The following ERBB4 variants were observed in gnomAD, a reference collection of about 807,000 sequenced individuals.
ERBB4 encodes erb-b2 receptor tyrosine kinase 4.
Under a neutral mutation model 158.0 loss-of-function variants are expected in ERBB4, and 42 were observed. That is an observed-to-expected ratio of 0.27 (90% CI 0.21 to 0.34). The LOEUF is 0.34. ERBB4 is among the 10% of genes least tolerant of loss of function. The pLI is 1.00. For synonymous variants in ERBB4, 583 were observed against 558.7 expected (o/e 1.04, Z -0.61); for missense variants, 1,333 against 1,624.1 (o/e 0.82, Z 3.08).
chr2:211,709,170 T>C (rs67044368), intron 9 of ERBB4, among the ~76,000 whole-genome samples: 25,817 of 150,178 alleles, frequency 0.17, 2,455 homozygotes, highest in African/African-American at 0.26. Context: ...CCATTTTTTA[T>C]TGCATTTATT....
intron 1 of ERBB4, among the ~76,000 whole-genome samples, chr2:212,353,133 G>A (rs1031301998): frequency 1.3e-5 from 2 of 151,756 alleles, no homozygotes; most frequent in Non-Finnish European, 2.9e-5. Context: ...CCAGTTCTAG[G>A]GGATAATTGT....
chr2:212,026,690 G>A (rs1021848048), intron 2 of ERBB4, among the ~76,000 whole-genome samples: 2 of 151,656 alleles, frequency 1.3e-5, no homozygotes, highest in Non-Finnish European at 1.5e-5. Context: ...ATGTTTTTTC[G>A]ATATTATTGT....
chr2:212,512,470 T>C (rs543882748), intron 1 of ERBB4, among the ~76,000 whole-genome samples: 94 of 152,212 alleles, frequency 6.2e-4, no homozygotes, highest in Admixed American at 2.5e-3. Context: ...CAGAACCCAA[T>C]AAATAGTATT....
chr2:211,818,244 A>G (rs945599154), intron 3 of ERBB4, among the ~76,000 whole-genome samples: 30 of 152,090 alleles, frequency 2.0e-4, no homozygotes, highest in African/African-American at 7.0e-4. Context: ...AAATATCTAA[A>G]TATTTAGGGG....
chr2:211,982,619 G>A (rs2081833867), intron 2 of ERBB4, among the ~76,000 whole-genome samples: 1 of 152,122 alleles, frequency 6.6e-6, no homozygotes, highest in South Asian at 2.1e-4. Flanking sequence ...GGAATACTGG[G>A]AGTCCTTTCA....
chr2:212,292,360 A>T (rs75257705), intron 1 of ERBB4, among the ~76,000 whole-genome samples: 2,037 of 152,162 alleles, frequency 0.013, 47 homozygotes, highest in African/African-American at 0.046. Context: ...ACATCAGAAT[A>T]TAATACTGGC....
chr2:211,757,709 G>T (rs1421358445), intron 4 of ERBB4, among the ~76,000 whole-genome samples: 1 of 152,176 alleles, frequency 6.6e-6, no homozygotes, highest in African/African-American at 2.4e-5. Context: ...CAGGATATCA[G>T]ACAGATAGCT....
At chr2:211,974,730 C>T (rs1274506142) in intron 2 of ERBB4, among the ~76,000 whole-genome samples, 1 of 152,076 alleles carries the variant, frequency 6.6e-6, no homozygotes, top group East Asian at 1.9e-4. Flanking sequence ...CCACTGCAGT[C>T]CCACATGGGT....
chr2:211,583,954 T>A (rs1231738885), intron 19 of ERBB4, among the ~76,000 whole-genome samples: 3 of 150,386 alleles, frequency 2.0e-5, no homozygotes, highest in Admixed American at 6.7e-5. Flanking sequence ...TTAACTACTA[T>A]TTTTCATTTG....
Position 211,386,938 on chromosome 2 carries a change from G to A in ERBB4, c.3396C>T (p.Pro1132=), listed in dbSNP as rs778378063. 2 of 1,613,976 alleles carry A rather than the reference G, an allele frequency of 1.2e-6. No homozygotes were observed. Among genetic ancestry groups the A allele is most frequent in the African/African-American group, 2.7e-5 (2 of 74,920 alleles). The stretch of plus-strand genomic sequence containing the variant: ...GGCTCCGTTCTGGGGCAAACACGGT[G>A]GGGTCAGCACTGTACCTCTGGGTGC... The part of the protein sequence containing the change: ...DSSTQRYSAD[P]TVFAPERSPR... The change falls in exon 27 of 28, where the codon CCC becomes CCT. Residue 1132 remains proline, a synonymous_variant. Coordinates refer to ENST00000342788, the MANE Select transcript of ERBB4 (RefSeq NM_005235.3).
At chr2:212,513,838 A>T (rs574184554) in intron 1 of ERBB4, among the ~76,000 whole-genome samples, 6 of 147,034 alleles carry the variant, frequency 4.1e-5, no homozygotes, top group African/African-American at 1.4e-4. Context: ...AATAAATAAA[A>T]AGAACAATTT....
In ERBB4 at chr2:211,813,274, G is replaced by A. The variant is rs568179908; in HGVS notation, c.422-25115C>T. 5.1e-4 allele frequency among the ~76,000 whole-genome samples: 77 copies of A among 152,324 alleles called. 2 individuals carry two copies. Among genetic ancestry groups the A allele is most frequent in the African/African-American group, 1.7e-3 (70 of 41,588 alleles). Reference sequence around the variant, plus strand: ...AAGCTGAAATAATTCAGCAATGGTCGTGTATAATGGAATTCTCTGAGATTA... The same window carrying A: ...AAGCTGAAATAATTCAGCAATGGTCATGTATAATGGAATTCTCTGAGATTA... On this transcript the variant is annotated intron_variant, in intron 3 of 27. Coordinates refer to ENST00000342788, the MANE Select transcript of ERBB4 (RefSeq NM_005235.3).
At position 212,363,124 on chromosome 2, in the gene ERBB4, C is replaced by T. The variant is rs1041517189; in HGVS notation, c.82+175325G>A. ...TTCCTATTTACATGATGTAATATTA[C>T]ATTTAAATTTTTAAATTTAAATGTT... On this transcript the variant is annotated intron_variant, in intron 1 of 27. Coordinates refer to ENST00000342788, the MANE Select transcript of ERBB4 (RefSeq NM_005235.3). 2.6e-5 allele frequency among the ~76,000 whole-genome samples: 4 copies of T among 151,444 alleles called. No homozygotes were observed. In the South Asian group the frequency reaches 8.3e-4, roughly 31 times the overall value.
intron 2 of ERBB4, among the ~76,000 whole-genome samples, chr2:212,055,847 C>T (rs114294912): frequency 1.7e-3 from 255 of 152,246 alleles, no homozygotes; most frequent in Middle Eastern, 3.4e-3. Context: ...GGACAAAAGC[C>T]GAAAATTCTA....
intron 1 of ERBB4, among the ~76,000 whole-genome samples, chr2:212,504,376 T>C (rs13417797): frequency 1.3e-3 from 196 of 152,194 alleles, no homozygotes; most frequent in African/African-American, 4.5e-3. Context: ...CCTAAATTAG[T>C]ATTCCTTAAA....
intron 1 of ERBB4, among the ~76,000 whole-genome samples, chr2:212,383,225 G>A (rs2090568459): frequency 6.6e-6 from 1 of 151,230 alleles, no homozygotes; most frequent in Admixed American, 6.6e-5. Flanking sequence ...TTTCCCAGAT[G>A]ACTTACCAGT....
intron 3 of ERBB4, among the ~76,000 whole-genome samples, chr2:211,864,576 C>T (rs1392135835): frequency 2.0e-5 from 3 of 152,156 alleles, no homozygotes; most frequent in African/African-American, 4.8e-5. Context: ...AAATAGCAAT[C>T]CTAAATGCTT....
chr2:211,711,027 T>TAA lies in ERBB4; in HGVS notation c.1124+1021_1124+1022dup, dbSNP rs34159396. On this transcript the variant is annotated intron_variant, in intron 9 of 27. Coordinates refer to ENST00000342788, the MANE Select transcript of ERBB4 (RefSeq NM_005235.3). The stretch of plus-strand genomic sequence containing the variant: ...AAGTCTATACATTTTAAAAGGCAAG[T>TAA]AAAAAAAAAAAAACATTTCTTAAGA... Among the ~76,000 whole-genome samples the TAA allele has an allele frequency of 1.7e-4, 24 of 139,974 alleles. 1 individual carries two copies. The highest frequency in any genetic ancestry group is 3.4e-4 in the African/African-American group (13 of 38,478). 91.8% of individuals were successfully genotyped at this position (139,974 alleles called of 152,430 possible).
intron 20 of ERBB4, among the ~76,000 whole-genome samples, chr2:211,436,432 T>C (rs1483651478): frequency 6.6e-6 from 1 of 152,148 alleles, no homozygotes; most frequent in South Asian, 2.1e-4. Flanking sequence ...GAGAAACTTA[T>C]TTACTCTCTC....
Sources: gnomAD v4.1 joint callset for allele counts (sites outside exome capture counted in the v4.1 genomes callset) on GRCh38, gnomAD v4.1.1 for gene constraint, MANE v1.5 for transcripts, NCBI Gene and HGNC (gene_info 2026-07-23, HGNC 2026-07-21) for gene names.